CADM2: variants seen among roughly 807,000 people sequenced by gnomAD.
CADM2 encodes cell adhesion molecule 2, also known as immunoglobulin superfamily member 4D.
In CADM2, 12 loss-of-function variants were observed where a neutral mutation model predicts 49.8. That is an observed-to-expected ratio of 0.24 (90% confidence interval 0.15 to 0.39). The LOEUF is 0.39. Among genes scored for constraint, CADM2 ranks in the 10% least tolerant of loss-of-function variants. The pLI is 1.00. For missense variants in CADM2, 378 were observed against 492.3 expected (o/e 0.77, Z 2.20); for synonymous variants, 214 against 175.4 (o/e 1.22, Z -1.74).
Position 85,283,267 on chromosome 3 carries a change from T to C in CADM2, c.61+323599T>C, listed in dbSNP as rs1201547469. 4.6e-5 allele frequency among the ~76,000 whole-genome samples: 7 copies of C among 151,980 alleles called. No homozygotes were observed. The East Asian group carries it at 1.4e-3, about 30-fold the overall frequency. ...TTATTTCTAACTTTTATCTTATTTT[T>C]TGACATTATCATGTTTATTAATATT... On this transcript the variant is annotated intron_variant, in intron 1 of 9. Coordinates refer to ENST00000383699, the MANE Select transcript of CADM2 (RefSeq NM_001167675.2).
At chr3:85,046,916 A>T (rs1476191471) in intron 1 of CADM2, among the ~76,000 whole-genome samples, 1 of 152,198 alleles carries the variant, frequency 6.6e-6, no homozygotes, top group East Asian at 1.9e-4. Context: ...ATAGGTGAGA[A>T]TTTTTTATGA....
intron 1 of CADM2, among the ~76,000 whole-genome samples, chr3:85,609,998 C>T (rs1196351372): frequency 6.6e-6 from 1 of 151,784 alleles, no homozygotes; most frequent in Non-Finnish European, 1.5e-5. Context: ...AATAATATTT[C>T]CGCTGTATTT....
At chr3:86,007,701 C>G (rs901126686) in intron 8 of CADM2, among the ~76,000 whole-genome samples, 1 of 152,126 alleles carries the variant, frequency 6.6e-6, no homozygotes, top group Non-Finnish European at 1.5e-5. Flanking sequence ...TTGGACCTCT[C>G]CAGCTTACAC....
At chr3:85,434,526 C>A (rs1392896002) in intron 1 of CADM2, among the ~76,000 whole-genome samples, 2 of 151,960 alleles carry the variant, frequency 1.3e-5, no homozygotes, top group African/African-American at 4.8e-5. Flanking sequence ...CAAATTATTG[C>A]TTTATTTATC....
At chr3:85,630,510 A>T (rs1419566822) in intron 1 of CADM2, among the ~76,000 whole-genome samples, 1 of 152,010 alleles carries the variant, frequency 6.6e-6, no homozygotes, top group African/African-American at 2.4e-5. Flanking sequence ...AAATCATGTG[A>T]GTAGATCATT....
At chr3:85,917,759 A>C (rs948032258) in intron 6 of CADM2, among the ~76,000 whole-genome samples, 7 of 152,198 alleles carry the variant, frequency 4.6e-5, no homozygotes, top group African/African-American at 1.7e-4. Context: ...TACCTTGGGC[A>C]GTATGGCCAT....
At chr3:85,246,928 T>C (rs544918177) in intron 1 of CADM2, among the ~76,000 whole-genome samples, 1 of 151,884 alleles carries the variant, frequency 6.6e-6, no homozygotes, top group Non-Finnish European at 1.5e-5. Flanking sequence ...TTTATGGATA[T>C]AGTACTTTAT....
At chr3:85,337,455 T>C (rs546640064) in intron 1 of CADM2, among the ~76,000 whole-genome samples, 1 of 151,558 alleles carries the variant, frequency 6.6e-6, no homozygotes, top group South Asian at 2.1e-4. Flanking sequence ...TTTCTTTATA[T>C]TGTGTGTAAT....
chr3:85,565,260 C>T (rs2062224100), intron 1 of CADM2, among the ~76,000 whole-genome samples: 1 of 152,000 alleles, frequency 6.6e-6, no homozygotes, highest in Admixed American at 6.6e-5. Context: ...ATTTGAAGCA[C>T]ATTTTAAACT....
intron 1 of CADM2, among the ~76,000 whole-genome samples, chr3:85,552,667 A>G (rs1326425024): frequency 7.1e-6 from 1 of 140,228 alleles, no homozygotes; most frequent in South Asian, 2.3e-4. Context: ...GGTGTGAGCC[A>G]ATGCGCCCGG....
rs187681094 is a variant in CADM2 at position 85,057,029 on chromosome 3, G to T, written c.61+97361G>T. ...CATGTAATTCTAATGTGCAAGTCAG[G>T]TTGAGAATCTCTGGTGCAGATAATC... On this transcript the variant is annotated intron_variant, in intron 1 of 9. Coordinates refer to ENST00000383699, the MANE Select transcript of CADM2 (RefSeq NM_001167675.2). 3.3e-5 allele frequency among the ~76,000 whole-genome samples: 5 copies of T among 152,208 alleles called. No homozygotes were observed. In the South Asian group the frequency reaches 6.2e-4, roughly 19 times the overall value.
chr3:84,968,298 A>G (rs2031164982), intron 1 of CADM2, among the ~76,000 whole-genome samples: 1 of 151,964 alleles, frequency 6.6e-6, no homozygotes, highest in Non-Finnish European at 1.5e-5. Context: ...AGCTTTCTTT[A>G]GAAAATGTAT....
rs564357863 is a variant in CADM2 at position 85,115,074 on chromosome 3, A to C, written c.61+155406A>C. Among the ~76,000 whole-genome samples, 6 of 152,318 alleles carry C rather than the reference A, an allele frequency of 3.9e-5. No homozygotes were observed. In the South Asian group the frequency reaches 1.2e-3, roughly 32 times the overall value. ...ATCTACCTGGAATGCTTAAAATTTC[A>C]AAAGAAAGAAGAGCCAATGATGATT... On this transcript the variant is annotated intron_variant, in intron 1 of 9. Coordinates refer to ENST00000383699, the MANE Select transcript of CADM2 (RefSeq NM_001167675.2).
At chr3:85,300,405 G>A (rs2106985889) in intron 1 of CADM2, among the ~76,000 whole-genome samples, 1 of 152,062 alleles carries the variant, frequency 6.6e-6, no homozygotes, top group South Asian at 2.1e-4. Context: ...TATATGAAAG[G>A]CATTTTTATG....
intron 1 of CADM2, among the ~76,000 whole-genome samples, chr3:85,056,517 A>T (rs2036085627): frequency 6.6e-6 from 1 of 152,092 alleles, no homozygotes; most frequent in Admixed American, 6.6e-5. Context: ...AGGGTTTCAC[A>T]GATATAAAAG....
chr3:85,430,391 G>T (rs2036604620), intron 1 of CADM2, among the ~76,000 whole-genome samples: 1 of 152,044 alleles, frequency 6.6e-6, no homozygotes, highest in Non-Finnish European at 1.5e-5. Flanking sequence ...GGCTCAGGAT[G>T]CCTGTAAGCC....
chr3:84,964,608 G>A (rs1213631698), intron 1 of CADM2, among the ~76,000 whole-genome samples: 2 of 152,122 alleles, frequency 1.3e-5, no homozygotes, highest in Admixed American at 6.5e-5. Flanking sequence ...ACAAACCAAG[G>A]AGGCCGACTC....
At chr3:86,052,822 A>G (rs1208124338) in intron 8 of CADM2, among the ~76,000 whole-genome samples, 1 of 152,136 alleles carries the variant, frequency 6.6e-6, no homozygotes, top group African/African-American at 2.4e-5. Flanking sequence ...TTACTGTTGT[A>G]ATTTAAGCAT....
intron 1 of CADM2, among the ~76,000 whole-genome samples, chr3:85,552,450 G>A (rs1049881043): frequency 1.5e-5 from 2 of 135,662 alleles, no homozygotes; most frequent in African/African-American, 2.9e-5. Context: ...GCGCCATCTC[G>A]GCTCACTGCA....
Sources: gnomAD v4.1 joint callset for allele counts (sites outside exome capture counted in the v4.1 genomes callset) on GRCh38, gnomAD v4.1.1 for gene constraint, MANE v1.5 for transcripts, NCBI Gene and HGNC (gene_info 2026-07-23, HGNC 2026-07-21) for gene names.